Variants in TEAD3 observed in about 807,000 individuals in gnomAD.
TEAD3 encodes TEA domain transcription factor 3, also known as transcriptional enhancer factor TEF-5.
Under a neutral mutation model 55.6 loss-of-function variants are expected in TEAD3, and 15 were observed. That is an observed-to-expected ratio of 0.27 (90% CI 0.18 to 0.42). The LOEUF (loss-of-function observed/expected upper bound fraction) is 0.42, where lower values mean the gene tolerates loss of function less well. Ranked by LOEUF, TEAD3 falls within the 10% of genes least tolerant of loss-of-function variation. TEAD3 has a pLI of 1.00. For synonymous variants in TEAD3, 210 were observed against 232.2 expected (o/e 0.90, Z 0.87); for missense variants, 407 against 576.8 (o/e 0.71, Z 3.01).
Position 35,496,627 on chromosome 6 carries a change from A to G in TEAD3, c.-50+271T>C, listed in dbSNP as rs1331241648. Among the ~76,000 whole-genome samples the G allele has an allele frequency of 6.6e-6, 1 of 152,112 alleles. No individual in the cohort carries two copies. The highest frequency in any genetic ancestry group is 1.5e-5 in the Non-Finnish European group (1 of 67,992). On this transcript the variant is annotated intron_variant, in intron 1 of 12. Coordinates refer to ENST00000639578, the Ensembl canonical transcript of TEAD3. This position sits in a 1 kb window ranked among gnomAD's most constrained non-coding sequence, Gnocchi z 4.8. The stretch of plus-strand genomic sequence containing the variant: ...CACGGACGGCGGGACAGGCGACGGC[A>G]CAGGGGACACGGTCTCCCCGGCTTC...
rs1768670979 is a variant in TEAD3, at chr6:35,496,724, G to A, written c.-50+174C>T. Among the ~76,000 whole-genome samples, 1 of 151,852 alleles carries A rather than the reference G, an allele frequency of 6.6e-6. No individual in the cohort carries two copies. Among genetic ancestry groups the A allele is most frequent in the Admixed American group, 6.5e-5 (1 of 15,274 alleles). On this transcript the variant is annotated intron_variant, in intron 1 of 12. Transcript: ENST00000639578. The surrounding 1 kb of genome is among the most constrained non-coding windows in gnomAD (Gnocchi z 4.8). The stretch of plus-strand genomic sequence containing the variant: ...GGCGGGGGGCGGGGCTTCCCGGAGA[G>A]ATTTTCCCCCTTCCCTCTAAACTTC...
At chr6:35,493,753 C>T (rs1768583104) in intron 1 of TEAD3, among the ~76,000 whole-genome samples, 1 of 152,262 alleles carries the variant, frequency 6.6e-6, no homozygotes, top group African/African-American at 2.4e-5. Flanking sequence ...CGCCACTCAT[C>T]CGGCTTCTCA....
At chr6:35,482,692 G>A (rs1768287955) in intron 3 of TEAD3, among the ~76,000 whole-genome samples, 1 of 152,126 alleles carries the variant, frequency 6.6e-6, no homozygotes. Flanking sequence ...CGGGAGGACT[G>A]CTTGAGGCCA....
chr6:35,474,847 C>T (rs1289493723), downstream of TEAD3: 5 of 569,436 alleles, frequency 8.8e-6, no homozygotes, highest in East Asian at 1.2e-4. Context: ...GCCCTCCTCT[C>T]CTCTCTTCTC....
At position 35,486,754 on chromosome 6, in the gene TEAD3, G is replaced by C. The variant is rs1353960919; in HGVS notation, c.-49-43C>G. The stretch of plus-strand genomic sequence containing the variant: ...AGGAACTGGGACCAGGGTCCTCCTC[G>C]ACCACAGCAATCTCCTATCCCACAG... On this transcript the variant is annotated intron_variant, in intron 1 of 12. Transcript: ENST00000639578. This position sits in a 1 kb window ranked among gnomAD's most constrained non-coding sequence, Gnocchi z 7.3. 1.9e-5 allele frequency: 27 copies of C among 1,391,232 alleles called. No homozygotes were observed. The highest frequency in any genetic ancestry group is 2.6e-5 in the Non-Finnish European group (26 of 1,011,452). 86.2% of individuals were successfully genotyped at this position (1,391,232 alleles called of 1,614,324 possible).
At position 35,485,498 on chromosome 6, in the gene TEAD3, C is replaced by A. The variant is rs1490928061; in HGVS notation, c.203-874G>T. 1.3e-5 allele frequency among the ~76,000 whole-genome samples: 2 copies of A among 152,208 alleles called. No homozygotes were observed. The highest frequency in any genetic ancestry group is 2.9e-5 in the Non-Finnish European group (2 of 68,030). ...AGGCTCTCTGCCCTCCAACCCAAGGCCTCCCCAGAATGGCCAAATTCTCCA... is the reference window on the plus strand; with the variant it reads ...AGGCTCTCTGCCCTCCAACCCAAGGACTCCCCAGAATGGCCAAATTCTCCA... On this transcript the variant is annotated intron_variant, in intron 2 of 12. Coordinates refer to ENST00000639578, the Ensembl canonical transcript of TEAD3. This position sits in a 1 kb window ranked among gnomAD's most constrained non-coding sequence, Gnocchi z 4.3.
intron 5 of TEAD3, 103 bp from the exon 6 acceptor site, chr6:35,478,674 G>A: frequency 2.8e-6 from 4 of 1,409,598 alleles, no homozygotes; most frequent in Non-Finnish European, 3.8e-6. Flanking sequence ...CACTAGGATG[G>A]CAGGTGTTCC....
At chr6:35,477,534 C>A (rs1452324538) in intron 7 of TEAD3, among the ~76,000 whole-genome samples, 162 bp from the exon 8 acceptor site, 1 of 152,060 alleles carries the variant, frequency 6.6e-6, no homozygotes, top group Non-Finnish European at 1.5e-5. Flanking sequence ...GTTTTCTGCA[C>A]ATTTTAGCTT....
intron 9 of TEAD3, 95 bp downstream of exon 9, chr6:35,476,206 AC>A: frequency 6.4e-7 from 1 of 1,553,352 alleles, no homozygotes. Flanking sequence ...AACAGGCCAG[AC>A]CCCCAACCCC....
intron 9 of TEAD3, 65 bp from the exon 10 acceptor site, chr6:35,476,157 G>A (rs1157557768): frequency 6.5e-7 from 1 of 1,528,078 alleles, no homozygotes; most frequent in East Asian, 2.3e-5. Flanking sequence ...GGCGGGGAAG[G>A]GAGCACTGCA....
At position 35,491,954 on chromosome 6, in the gene TEAD3, C is replaced by T. The variant is rs1000418648; in HGVS notation, c.-50+4944G>A. 6.6e-6 allele frequency among the ~76,000 whole-genome samples: 1 copy of T among 152,192 alleles called. No individual in the cohort carries two copies. The highest frequency in any genetic ancestry group is 2.4e-5 in the African/African-American group (1 of 41,442). ...CAGACCCTGCAGCCTCCAGACCACC[C>T]AGCCCTGTAGCTCCCTTTAGGGGCC... is the stretch of plus-strand genomic sequence containing the variant. On this transcript the variant is annotated intron_variant, in intron 1 of 12. Transcript: ENST00000639578. This position sits in a 1 kb window ranked among gnomAD's most constrained non-coding sequence, Gnocchi z 4.4.
In TEAD3 at chr6:35,476,198, C is replaced by G. The variant is rs1019018300; in HGVS notation, c.726+104G>C. On this transcript the variant is annotated intron_variant, in intron 9 of 12. Coordinates refer to ENST00000639578, the Ensembl canonical transcript of TEAD3. ...ATAGAATTGCCTAGGGCTTCCTGAA[C>G]AGGCCAGACCCCCAACCCCCAGATC... The G allele has an allele frequency of 5.8e-6, 9 of 1,548,796 alleles. No individual in the cohort carries two copies. In the African/African-American group the frequency reaches 1.2e-4, roughly 21 times the overall value.
chr6:35,479,996 C>T (rs1768232824), intron 4 of TEAD3: 1 of 1,355,898 alleles, frequency 7.4e-7, no homozygotes, highest in Non-Finnish European at 1.0e-6. Flanking sequence ...AGCCACAGAG[C>T]AGCGACAGGC....
rs982848878 is a variant in TEAD3 at position 35,489,774 on chromosome 6, T to G, written c.-49-3063A>C. Among the ~76,000 whole-genome samples the G allele has an allele frequency of 4.6e-5, 7 of 150,930 alleles. No individual in the cohort carries two copies. In the East Asian group the frequency reaches 5.8e-4, roughly 13 times the overall value. ...TAAATAAATAAGGAAATGTGGGGGG[T>G]GGTGGCTCACGACTATAATCCCAGC... On this transcript the variant is annotated intron_variant, in intron 1 of 12. Coordinates refer to ENST00000639578, the Ensembl canonical transcript of TEAD3.
At chr6:35,473,888 AC>A (rs1768086765), downstream of TEAD3, 1 of 152,392 alleles carries the variant, frequency 6.6e-6, no homozygotes. Flanking sequence ...ACTCATAAAT[AC>A]CCACAGGTGG....
chr6:35,493,781 G>A (rs538145229), intron 1 of TEAD3, among the ~76,000 whole-genome samples: 3 of 152,318 alleles, frequency 2.0e-5, no homozygotes, highest in South Asian at 2.1e-4. Flanking sequence ...GCGCCCGCGC[G>A]CTCACATACA....
rs1581728027 is a variant in TEAD3, at chr6:35,488,348, T to C, written c.-49-1637A>G. 6.6e-6 allele frequency among the ~76,000 whole-genome samples: 1 copy of C among 152,190 alleles called. No individual in the cohort carries two copies. Among genetic ancestry groups the C allele is most frequent in the African/African-American group, 2.4e-5 (1 of 41,506 alleles). ...CCCTGAACCTGCCAGGCTATTAATT[T>C]GGACCACACCCCACCAGGCCCCCTA... On this transcript the variant is annotated intron_variant, in intron 1 of 12. Transcript: ENST00000639578. The surrounding 1 kb of genome is among the most constrained non-coding windows in gnomAD (Gnocchi z 4.2).
At chr6:35,481,496 C>G (rs1257208399) in intron 3 of TEAD3, among the ~76,000 whole-genome samples, 2 of 152,326 alleles carry the variant, frequency 1.3e-5, no homozygotes, top group East Asian at 3.9e-4. Flanking sequence ...CTCACACTGC[C>G]TCACTGAGCC....
rs1476144143 is a variant in TEAD3 at position 35,491,027 on chromosome 6, G to A, written c.-49-4316C>T. Among the ~76,000 whole-genome samples the A allele has an allele frequency of 1.3e-5, 2 of 152,032 alleles. No individual in the cohort carries two copies. The highest frequency in any genetic ancestry group is 4.8e-5 in the African/African-American group (2 of 41,370). ...CCGGGGTGGGGCCTGAGACAGACAGGAGGGGCAGGGGAGACAGGCTGGGGG... is the reference window on the plus strand; with the variant it reads ...CCGGGGTGGGGCCTGAGACAGACAGAAGGGGCAGGGGAGACAGGCTGGGGG... On this transcript the variant is annotated intron_variant, in intron 1 of 12. Coordinates refer to ENST00000639578, the Ensembl canonical transcript of TEAD3. The surrounding 1 kb of genome is among the most constrained non-coding windows in gnomAD (Gnocchi z 4.4).
Sources: allele counts gnomAD v4.1 joint callset (sites outside exome capture counted in the v4.1 genomes callset), GRCh38; gene constraint gnomAD v4.1.1; non-coding constraint Gnocchi (gnomAD v3.1); transcripts MANE v1.5; gene names NCBI Gene and HGNC (gene_info 2026-07-23, HGNC 2026-07-21).